PSD2: variants seen among roughly 807,000 people sequenced by gnomAD.
PSD2 encodes pleckstrin and Sec7 domain containing 2, also known as PH and SEC7 domain-containing protein 2.
PSD2 carries 38 observed loss-of-function variants against 69.8 expected under a neutral mutation model. The ratio of observed to expected loss-of-function variants is 0.54; its 90% CI spans 0.42 to 0.71. The LOEUF is 0.71. Among genes scored for constraint, PSD2 ranks in the 30% least tolerant of loss-of-function variants. PSD2 has a pLI of 0.00. For synonymous variants in PSD2, 412 were observed against 423.0 expected (o/e 0.97, Z 0.32); for missense variants, 943 against 1,014.5 (o/e 0.93, Z 0.96).
At chr5:139,833,672 C>A in intron 7 of PSD2, 30 bp from the exon 8 acceptor site, 1 of 1,564,394 alleles carries the variant, frequency 6.4e-7, no homozygotes, top group Non-Finnish European at 8.8e-7. Flanking sequence ...TCCTTCCCTA[C>A]TCTTAGGCAG....
At chr5:139,817,634 C>T in intron 5 of PSD2, 73 bp downstream of exon 5, 1 of 1,285,304 alleles carries the variant, frequency 7.8e-7, no homozygotes, top group South Asian at 1.2e-5. Flanking sequence ...GTCAACTCTA[C>T]CATAAACTTG....
intron 7 of PSD2, among the ~76,000 whole-genome samples, chr5:139,830,592 T>TTCTTTCTTTCTCTTTC (rs779474791): frequency 9.3e-5 from 8 of 86,038 alleles, no homozygotes; most frequent in South Asian, 4.5e-4. Flanking sequence ...CTTTCTTTCT[T>TTCTTTCTTTCTCTTTC]TTTCTTTCTT....
At chr5:139,830,345 C>CTTTTTTTTT (rs755605094) in intron 7 of PSD2, among the ~76,000 whole-genome samples, 4 of 116,578 alleles carry the variant, frequency 3.4e-5, no homozygotes, top group Admixed American at 8.7e-5. Context: ...TGATAGTGTT[C>CTTTTTTTTT]TTTTTTTTTT....
At chr5:139,768,128 C>G in the PSD2 span, among the ~76,000 whole-genome samples, 1 of 152,278 alleles carries the variant, frequency 6.6e-6, no homozygotes, top group Non-Finnish European at 1.5e-5. Context: ...GCAGCTGAAC[C>G]TGGGGGCCTT....
At chr5:139,794,075 C>G (rs1759466324), upstream of PSD2, among the ~76,000 whole-genome samples, 1 of 152,208 alleles carries the variant, frequency 6.6e-6, no homozygotes, top group Non-Finnish European at 1.5e-5. Flanking sequence ...GCCAAGCTCC[C>G]TCTGTGCCCT....
At chr5:139,809,944 T>C in intron 2 of PSD2, 133 bp downstream of exon 2, 1 of 989,720 alleles carries the variant, frequency 1.0e-6, no homozygotes, top group Non-Finnish European at 1.5e-6. Context: ...ATCCCTCTTT[T>C]GCCCAGATTC....
the PSD2 span, among the ~76,000 whole-genome samples, chr5:139,757,407 G>T: frequency 6.6e-6 from 1 of 152,206 alleles, no homozygotes; most frequent in East Asian, 1.9e-4. Flanking sequence ...GTAAGTGAAC[G>T]TAGCAAAGGG....
At chr5:139,817,670 G>C in intron 5 of PSD2, 109 bp downstream of exon 5, 8 of 931,126 alleles carry the variant, frequency 8.6e-6, no homozygotes, top group South Asian at 7.5e-5. Context: ...CAAGTCTTTT[G>C]ACCCCTGGTG....
At chr5:139,770,585 CAAA>C in the PSD2 span, among the ~76,000 whole-genome samples, 1 of 151,972 alleles carries the variant, frequency 6.6e-6, no homozygotes, top group East Asian at 1.9e-4. Flanking sequence ...AACAAACAAA[CAAA>C]AAAACATGAA....
At chr5:139,815,478 T>C (rs1760097563) in intron 4 of PSD2, among the ~76,000 whole-genome samples, 1 of 152,102 alleles carries the variant, frequency 6.6e-6, no homozygotes, top group Non-Finnish European at 1.5e-5. Flanking sequence ...ATTCTTGGAT[T>C]TTCTGCCCAG....
At chr5:139,784,342 G>A in the PSD2 span, among the ~76,000 whole-genome samples, 1 of 152,000 alleles carries the variant, frequency 6.6e-6, no homozygotes, top group Admixed American at 6.6e-5. Context: ...TCCCCAATGT[G>A]TATCTCCACC....
Position 139,809,609 on chromosome 5 carries a change from A to G in PSD2, c.169A>G (p.Thr57Ala). 6.2e-7 allele frequency: 1 copy of G among 1,614,262 alleles called. No homozygotes were observed. The highest frequency in any genetic ancestry group is 8.5e-7 in the Non-Finnish European group (1 of 1,180,046). The change falls in exon 2 of 15, where the codon ACT (threonine) becomes GCT (alanine). Residue 57 changes from threonine (T) to alanine (A), a missense_variant. This residue lies in a region of PSD2 where 466 missense variants were observed against 445.0 expected (regional missense o/e 1.05). Coordinates refer to ENST00000274710, the MANE Select transcript of PSD2 (RefSeq NM_032289.4). Reference protein sequence around the residue: ...GHERRGTPADTEEPTKDPDVA... With the variant: ...GHERRGTPADAEEPTKDPDVA... ...CGAGCGAAGGGGCACCCCAGCGGAC[A>G]CTGAGGAACCCACGAAGGACCCAGA... is the stretch of plus-strand genomic sequence containing the variant.
At chr5:139,836,304 T>A (rs1760716479) in intron 9 of PSD2, among the ~76,000 whole-genome samples, 1 of 152,160 alleles carries the variant, frequency 6.6e-6, no homozygotes, top group Non-Finnish European at 1.5e-5. Context: ...GGCAGGCAGG[T>A]CCATGTAGAG....
chr5:139,753,020 T>C, the PSD2 span, among the ~76,000 whole-genome samples: 4 of 151,946 alleles, frequency 2.6e-5, no homozygotes, highest in African/African-American at 9.7e-5. Flanking sequence ...CCAGCTCCTG[T>C]CTTCATTCTT....
chr5:139,745,593 A>G, the PSD2 span, among the ~76,000 whole-genome samples: 1 of 152,210 alleles, frequency 6.6e-6, no homozygotes, highest in Non-Finnish European at 1.5e-5. Flanking sequence ...CTAGCTGCCA[A>G]TGTCCTGACT....
Position 139,842,286 on chromosome 5 carries a change from A to T in PSD2, c.2128A>T (p.Thr710Ser), listed in dbSNP as rs917479442. 15 of 1,613,938 alleles carry T rather than the reference A, an allele frequency of 9.3e-6. No individual in the cohort carries two copies. The highest frequency in any genetic ancestry group is 1.3e-5 in the African/African-American group (1 of 74,886). Residue 710 changes from threonine to serine, a missense_variant, in exon 15 of 15, where the codon ACC becomes TCC. This residue lies in a region of PSD2 where 165 missense variants were observed against 168.8 expected (regional missense o/e 0.98). Transcript: ENST00000274710. ...CTTTCCCCAGAAAAGCCGTTATGAG[A>T]CCTATATCCACCTCCTGGCTATGAA... Reference protein sequence around the residue: ...YLTFEKSRYETYIHLLAMKIK... With the variant: ...YLTFEKSRYESYIHLLAMKIK...
At chr5:139,768,324 C>A in the PSD2 span, among the ~76,000 whole-genome samples, 2 of 152,334 alleles carry the variant, frequency 1.3e-5, no homozygotes, top group South Asian at 4.1e-4. Context: ...GGGCTGGTCA[C>A]CCTGGCTGCG....
intron 8 of PSD2, among the ~76,000 whole-genome samples, chr5:139,835,261 G>C (rs1760688965): frequency 6.6e-6 from 1 of 151,122 alleles, no homozygotes; most frequent in African/African-American, 2.4e-5. Flanking sequence ...TATACCCTCT[G>C]TCTACCCACC....
At chr5:139,816,998 C>G (rs1760137029) in intron 4 of PSD2, among the ~76,000 whole-genome samples, 1 of 152,236 alleles carries the variant, frequency 6.6e-6, no homozygotes, top group African/African-American at 2.4e-5. Flanking sequence ...CTATCTCTAT[C>G]TGGACAACTA....
Sources: allele counts gnomAD v4.1 joint callset (sites outside exome capture counted in the v4.1 genomes callset), GRCh38; gene constraint gnomAD v4.1.1; regional missense constraint gnomAD v4.1.1; transcripts MANE v1.5; gene names NCBI Gene and HGNC (gene_info 2026-07-23, HGNC 2026-07-21).